The following TPM3 variants were observed in gnomAD, a reference collection of about 807,000 sequenced individuals.
TPM3 encodes the protein tropomyosin alpha-3 chain.
A neutral mutation model predicts 43.1 loss-of-function variants in TPM3; 16 were observed. The ratio of observed to expected loss-of-function variants is 0.37; its 90% CI spans 0.25 to 0.56. The LOEUF is 0.56. Ranked by LOEUF, TPM3 falls within the 20% of genes least tolerant of loss-of-function variation. The pLI is 0.77. For missense variants in TPM3, 176 were observed against 337.2 expected (o/e 0.52, Z 3.74); for synonymous variants, 101 against 116.9 (o/e 0.86, Z 0.88).
intron 6 of TPM3, chr1:154,171,035 A>C: frequency 1.9e-6 from 1 of 525,728 alleles, no homozygotes; most frequent in South Asian, 2.1e-5. Flanking sequence ...AGGTCACATG[A>C]CTGAAACACA....
chr1:154,173,093 C>T lies in TPM3; in HGVS notation c.486G>A (p.Lys162=). The T allele has an allele frequency of 6.2e-7, 1 of 1,614,232 alleles. No homozygotes were observed. Among genetic ancestry groups the T allele is most frequent in the Non-Finnish European group, 8.5e-7 (1 of 1,180,030 alleles). The change falls in exon 4 of 10, where the codon AAG becomes AAA. Residue 162 remains lysine, a synonymous_variant. Transcript: ENST00000651641. ...ACAGAAGGTCACTTACCTCTTCATA[C>T]TTCCTATCTGCCTCTTCTGCAATGT... ...AKHIAEEADR[K]YEEVARKLVI...
chr1:154,168,404 T>G (rs965144214), intron 9 of TPM3, among the ~76,000 whole-genome samples: 1 of 152,218 alleles, frequency 6.6e-6, no homozygotes, highest in Non-Finnish European at 1.5e-5. Context: ...GTATCCCTTC[T>G]GAGAAGACTA....
At chr1:154,168,427 A>C (rs974807158) in intron 9 of TPM3, among the ~76,000 whole-genome samples, 1 of 152,252 alleles carries the variant, frequency 6.6e-6, no homozygotes, top group Non-Finnish European at 1.5e-5. Flanking sequence ...TTTGAGAAGC[A>C]AATAGAAAAA....
chr1:154,176,052 A>T, intron 3 of TPM3, 63 bp downstream of exon 3: 1 of 1,610,430 alleles, frequency 6.2e-7, no homozygotes, highest in African/African-American at 1.3e-5. Flanking sequence ...GTCTATAAGG[A>T]AATCTTGATC....
intron 2 of TPM3, chr1:154,183,363 T>C: frequency 7.4e-7 from 1 of 1,360,302 alleles, no homozygotes; most frequent in African/African-American, 1.4e-5. Flanking sequence ...CTCCCGGCCT[T>C]ACCTTGGGCC....
chr1:154,156,142 G>GA (rs1659786791), downstream of TPM3: 1 of 172,412 alleles, frequency 5.8e-6, no homozygotes, highest in Non-Finnish European at 1.3e-5. Flanking sequence ...TGAGGCAGGA[G>GA]AATCTCTTGA....
intron 3 of TPM3, among the ~76,000 whole-genome samples, chr1:154,174,364 ATGTG>A (rs201374790): frequency 3.6e-5 from 2 of 55,288 alleles, no homozygotes; most frequent in Non-Finnish European, 6.3e-5. Context: ...ATTTAAATAT[ATGTG>A]TATATATATA....
At chr1:154,184,186 A>G (rs1278468237) in intron 2 of TPM3, among the ~76,000 whole-genome samples, 1 of 150,030 alleles carries the variant, frequency 6.7e-6, no homozygotes, top group Non-Finnish European at 1.5e-5. Flanking sequence ...AGCGCCCTCC[A>G]CCACGCCCGG....
intron 2 of TPM3, chr1:154,182,981 T>C (rs776973325): frequency 6.2e-7 from 1 of 1,610,838 alleles, no homozygotes; most frequent in Non-Finnish European, 8.5e-7. Context: ...CCTCACCATC[T>C]CCGTACCTGT....
chr1:154,166,700 T>TC lies in TPM3; in HGVS notation c.*1236_*1237insG. On this transcript the variant is annotated 3_prime_UTR_variant, in exon 10 of 10. Coordinates refer to ENST00000651641, the MANE Select transcript of TPM3 (RefSeq NM_152263.4). ...TGGAATGCGAATTCCTTTTTTTTTTTTGAGATGGAGTCTCTCTGTTGCCCA... is the reference window on the plus strand; with the variant it reads ...TGGAATGCGAATTCCTTTTTTTTTTTCTGAGATGGAGTCTCTCTGTTGCCCA... 1.0e-6 allele frequency: 1 copy of TC among 984,592 alleles called. No homozygotes were observed. The highest frequency in any genetic ancestry group is 4.7e-5 in the South Asian group (1 of 21,258). 61.0% of individuals were successfully genotyped at this position (984,592 alleles called of 1,614,324 possible). A position where few individuals can be genotyped will look rare whatever the true frequency, so the allele number is the denominator to read the frequency against.
intron 3 of TPM3, among the ~76,000 whole-genome samples, chr1:154,174,368 G>GTGTATATATATA (rs1389219269): frequency 1.5e-3 from 71 of 46,356 alleles, no homozygotes; most frequent in South Asian, 2.8e-3. Flanking sequence ...AAATATATGT[G>GTGTATATATATA]TATATATATA....
chr1:154,175,546 A>C (rs1040406950), intron 3 of TPM3, among the ~76,000 whole-genome samples: 1 of 152,114 alleles, frequency 6.6e-6, no homozygotes, highest in Non-Finnish European at 1.5e-5. Context: ...CCACATCCAA[A>C]GTTTCTGATT....
downstream of TPM3, among the ~76,000 whole-genome samples, chr1:154,159,455 T>G (rs1475813400): frequency 1.3e-5 from 2 of 152,234 alleles, no homozygotes; most frequent in Non-Finnish European, 2.9e-5. Flanking sequence ...CTGAACATTT[T>G]TCTGTGAAAG....
At chr1:154,159,450 C>T (rs1167636343), downstream of TPM3, among the ~76,000 whole-genome samples, 2 of 152,210 alleles carry the variant, frequency 1.3e-5, no homozygotes, top group African/African-American at 4.8e-5. Flanking sequence ...AACAGCTGAA[C>T]ATTTTTCTGT....
chr1:154,171,616 A>AT, intron 5 of TPM3, 128 bp from the exon 6 acceptor site: 1 of 1,023,102 alleles, frequency 9.8e-7, no homozygotes, highest in African/African-American at 1.6e-5. Flanking sequence ...TGGGGAAGAG[A>AT]TGTTCCCAAG....
intron 3 of TPM3, among the ~76,000 whole-genome samples, chr1:154,174,407 T>TATAC (rs1261318136): frequency 0.02 from 1,476 of 72,438 alleles, 39 homozygotes; most frequent in East Asian, 0.066. Flanking sequence ...TATATATATA[T>TATAC]ACACACAAAA....
downstream of TPM3, among the ~76,000 whole-genome samples, chr1:154,161,337 A>G (rs949518596): frequency 6.6e-6 from 1 of 151,736 alleles, no homozygotes; most frequent in Non-Finnish European, 1.5e-5. Flanking sequence ...GTGATGTTAC[A>G]TTACATATAG....
intron 2 of TPM3, among the ~76,000 whole-genome samples, chr1:154,178,617 C>A (rs1383453436): frequency 6.6e-6 from 1 of 152,222 alleles, no homozygotes; most frequent in Non-Finnish European, 1.5e-5. Context: ...CCTTTCAGGT[C>A]AAATAATACC....
intron 5 of TPM3, 41 bp from the exon 6 acceptor site, chr1:154,171,529 A>T: frequency 6.2e-7 from 1 of 1,603,650 alleles, no homozygotes; most frequent in Non-Finnish European, 8.5e-7. Flanking sequence ...AAAAGGGAAA[A>T]GGAAGAGAAT....
Sources: gnomAD v4.1 joint callset for allele counts (sites outside exome capture counted in the v4.1 genomes callset) on GRCh38, gnomAD v4.1.1 for gene constraint, MANE v1.5 for transcripts, NCBI Gene and HGNC (gene_info 2026-07-23, HGNC 2026-07-21) for gene names.